DENND2C: variants seen among roughly 807,000 people sequenced by gnomAD.
DENND2C encodes DENN domain-containing protein 2C.
Under a neutral mutation model 112.4 loss-of-function variants are expected in DENND2C, and 72 were observed. That is an observed-to-expected ratio of 0.64 (90% CI 0.53 to 0.78). The LOEUF (loss-of-function observed/expected upper bound fraction) is 0.78. DENND2C is among the 30% of genes least tolerant of loss of function. The pLI is 0.00. For missense variants in DENND2C, 992 were observed against 1,113.8 expected, an observed-to-expected ratio of 0.89 and a Z score of 1.56; for synonymous variants, 329 against 381.6, an observed-to-expected ratio of 0.86 and a Z score of 1.61.
chr1:114,618,529 T>C (rs559759023), intron 7 of DENND2C, 47 bp from the exon 8 acceptor site: 1 of 1,187,744 alleles, frequency 8.4e-7, no homozygotes, highest in South Asian at 1.5e-5. Context: ...CACCCAAAAG[T>C]TTCACAGTTT....
chr1:114,595,700 A>G (rs1465964027), intron 17 of DENND2C, 132 bp downstream of exon 17: 3 of 798,964 alleles, frequency 3.8e-6, no homozygotes, highest in East Asian at 5.2e-5. Context: ...CATGGTGTCA[A>G]TTCAAGTATG....
At chr1:114,592,384 T>G (rs1655218549) in intron 18 of DENND2C, among the ~76,000 whole-genome samples, 1 of 152,220 alleles carries the variant, frequency 6.6e-6, no homozygotes. Flanking sequence ...TCTTGTTCTT[T>G]TTTGAGTGCC....
In DENND2C at chr1:114,622,121, T is replaced by C. The variant is rs544905010; in HGVS notation, c.1057-56A>G. The C allele has an allele frequency of 4.3e-5, 62 of 1,457,478 alleles. 1 individual carries two copies. The South Asian group carries it at 5.9e-4, about 14-fold the overall frequency. 90.3% of individuals were successfully genotyped at this position (1,457,478 alleles called of 1,614,324 possible). A position where few individuals can be genotyped will look rare whatever the true frequency, so the allele number is the denominator to read the frequency against. On this transcript the variant is annotated intron_variant, in intron 6 of 20. Coordinates refer to ENST00000393274, the MANE Select transcript of DENND2C (RefSeq NM_001256404.2). ...CACCTAGTTTTGCTGTTGTTGCTTGTTTGTTTGTTTGAGATGGGGTCTTGC... is the reference window on the plus strand; with the variant it reads ...CACCTAGTTTTGCTGTTGTTGCTTGCTTGTTTGTTTGAGATGGGGTCTTGC...
intron 4 of DENND2C, among the ~76,000 whole-genome samples, chr1:114,624,193 T>C (rs6684377): frequency 0.029 from 4,440 of 152,326 alleles, 218 homozygotes; most frequent in African/African-American, 0.1. Flanking sequence ...CTTCATTGGG[T>C]TCCTTTATTA....
chr1:114,606,033 C>T lies in DENND2C; in HGVS notation c.1558-1002G>A, dbSNP rs150768546. Among the ~76,000 whole-genome samples the T allele has an allele frequency of 3.9e-4, 60 of 152,190 alleles. 1 individual carries two copies. Among genetic ancestry groups the T allele is most frequent in the African/African-American group, 1.4e-3 (58 of 41,508 alleles). On this transcript the variant is annotated intron_variant, in intron 10 of 20. Transcript: ENST00000393274. ...AAAAACAAGCCCTTAAGTCTAATTA[C>T]CATATTGCCTTCAGATAACTAATAA...
chr1:114,664,773 T>C (rs1657600591), intron 1 of DENND2C, among the ~76,000 whole-genome samples: 1 of 148,812 alleles, frequency 6.7e-6, no homozygotes, highest in African/African-American at 2.5e-5. Flanking sequence ...CCACTGTGCC[T>C]GGGCAAAAAA....
intron 10 of DENND2C, among the ~76,000 whole-genome samples, chr1:114,608,266 C>CT (rs1187035168): frequency 6.7e-6 from 1 of 149,330 alleles, no homozygotes; most frequent in African/African-American, 2.5e-5. Context: ...AAGACTCCAT[C>CT]TAAAAAAAAA....
chr1:114,655,608 C>T (rs1447016113), intron 1 of DENND2C, among the ~76,000 whole-genome samples: 2 of 151,920 alleles, frequency 1.3e-5, no homozygotes, highest in Non-Finnish European at 2.9e-5. Flanking sequence ...CTCAGCCTCC[C>T]GAGTAGCTGG....
chr1:114,660,683 T>C (rs773577285), intron 1 of DENND2C, among the ~76,000 whole-genome samples: 65 of 152,252 alleles, frequency 4.3e-4, no homozygotes, highest in Non-Finnish European at 7.5e-4. Flanking sequence ...AACTGCTTTA[T>C]ATTTTCTAAC....
At chr1:114,657,174 G>A (rs1385248681) in intron 1 of DENND2C, among the ~76,000 whole-genome samples, 3 of 152,222 alleles carry the variant, frequency 2.0e-5, no homozygotes, top group African/African-American at 7.2e-5. Flanking sequence ...GGAATTGTTA[G>A]TCTTTTTAAT....
chr1:114,632,299 C>T (rs527495697), intron 3 of DENND2C, among the ~76,000 whole-genome samples: 181 of 152,000 alleles, frequency 1.2e-3, no homozygotes, highest in Admixed American at 3.0e-3. Context: ...ACCCAAAGAT[C>T]CAAGAGGCTC....
In DENND2C at chr1:114,642,404, C is replaced by T. The variant is rs146360964; in HGVS notation, c.-205+3044G>A. 2.6e-5 allele frequency among the ~76,000 whole-genome samples: 4 copies of T among 152,276 alleles called. No individual in the cohort carries two copies. In the South Asian group the frequency reaches 6.2e-4, roughly 24 times the overall value. On this transcript the variant is annotated intron_variant, in intron 3 of 20. Transcript: ENST00000393274. Reference sequence around the variant, plus strand: ...CCAGCTACATATTTTCCAATAATGCCAAATAATCTGGAACTATTAGCAGTC... The same window carrying T: ...CCAGCTACATATTTTCCAATAATGCTAAATAATCTGGAACTATTAGCAGTC...
chr1:114,630,212 G>A (rs1656451519), intron 3 of DENND2C, among the ~76,000 whole-genome samples: 3 of 152,038 alleles, frequency 2.0e-5, no homozygotes, highest in Admixed American at 2.0e-4. Flanking sequence ...GGAGGCTGAG[G>A]CAGGAGAATC....
chr1:114,617,104 T>C (rs1239188337), intron 8 of DENND2C, among the ~76,000 whole-genome samples: 1 of 152,120 alleles, frequency 6.6e-6, no homozygotes, highest in African/African-American at 2.4e-5. Context: ...TACTTCCCCC[T>C]GGGTCCCTCC....
intron 4 of DENND2C, 64 bp from the exon 5 acceptor site, chr1:114,623,707 T>G (rs1176915200): frequency 7.0e-6 from 8 of 1,138,484 alleles, no homozygotes; most frequent in Non-Finnish European, 9.1e-6. Context: ...TTTTTTAAAA[T>G]TTTTATTTAT....
chr1:114,608,592 C>T, intron 10 of DENND2C, 94 bp downstream of exon 10: 2 of 1,395,674 alleles, frequency 1.4e-6, no homozygotes, highest in Non-Finnish European at 2.0e-6. Flanking sequence ...TTGGTAAAAA[C>T]TTGTTGAGAT....
At chr1:114,590,744 A>C (rs1655163822) in intron 18 of DENND2C, among the ~76,000 whole-genome samples, 1 of 142,256 alleles carries the variant, frequency 7.0e-6, no homozygotes. Flanking sequence ...GCGCCACTGC[A>C]CTCCAGCCTG....
At chr1:114,602,260 A>G in intron 11 of DENND2C, 66 bp from the exon 12 acceptor site, 1 of 1,515,904 alleles carries the variant, frequency 6.6e-7, no homozygotes, top group South Asian at 1.2e-5. Flanking sequence ...CCATGGAACA[A>G]ACAATTGAAA....
rs748604787 is a variant in DENND2C, at chr1:114,623,656, GATAT to G, written c.807-17_807-14del. The G allele has an allele frequency of 5.3e-5, 84 of 1,571,080 alleles. No homozygotes were observed. The highest frequency in any genetic ancestry group is 1.7e-4 in the Middle Eastern group (1 of 5,922). On this transcript the variant is annotated splice_polypyrimidine_tract_variant and intron_variant, in intron 4 of 20. Transcript: ENST00000393274. ...TTCAAAGGATTTCCTTAAAAAAGGA[GATAT>G]ATTTTAAAGTTATATCTTTCAAAAC... is the stretch of plus-strand genomic sequence containing the variant.
Sources: gnomAD v4.1 joint callset for allele counts (sites outside exome capture counted in the v4.1 genomes callset) on GRCh38, gnomAD v4.1.1 for gene constraint, MANE v1.5 for transcripts, NCBI Gene and HGNC (gene_info 2026-07-23, HGNC 2026-07-21) for gene names.